BCAR1: variants seen among roughly 807,000 people sequenced by gnomAD.
BCAR1 encodes breast cancer anti-estrogen resistance protein 1.
In BCAR1, 30 loss-of-function variants were observed where a neutral mutation model predicts 67.6. The observed-to-expected ratio is 0.44, with a 90% CI of 0.33 to 0.60. BCAR1 has a LOEUF of 0.60. BCAR1 is among the 20% of genes least tolerant of loss of function. BCAR1 has a pLI of 0.02. For synonymous variants in BCAR1, 626 were observed against 556.7 expected (o/e 1.12, Z -1.75); for missense variants, 1,313 against 1,222.3 (o/e 1.07, Z -1.11).
intron 1 of BCAR1, chr16:75,263,170 A>G: frequency 6.1e-6 from 6 of 978,744 alleles, no homozygotes; most frequent in Non-Finnish European, 7.3e-6. Flanking sequence ...GAGTGGCCAC[A>G]CTCACTTCAC....
intron 1 of BCAR1, chr16:75,266,171 T>G: frequency 5.6e-6 from 2 of 354,950 alleles, no homozygotes; most frequent in Non-Finnish European, 7.9e-6. Context: ...GCACCAGCTC[T>G]GGGTCGCCCA....
chr16:75,235,618 C>A lies in BCAR1; in HGVS notation c.1281G>T (p.Leu427=), dbSNP rs1228274518. 3 of 1,601,094 alleles carry A rather than the reference C, an allele frequency of 1.9e-6. No individual in the cohort carries two copies. The highest frequency in any genetic ancestry group is 2.2e-5 in the South Asian group (2 of 89,748). The part of the protein sequence containing the change: ...EREAPAEGKR[L]SASSTGSTRS... ...GTGTGCTGCCGGTGCTGGAGGCCGACAGGCGCTTGCCCTCTGCCGGGGCTT... is the reference window on the plus strand; with the variant it reads ...GTGTGCTGCCGGTGCTGGAGGCCGAAAGGCGCTTGCCCTCTGCCGGGGCTT... Residue 427 remains leucine (L), a synonymous_variant, in exon 5 of 7, where the codon CTG becomes CTT. Coordinates refer to ENST00000162330, the MANE Select transcript of BCAR1 (RefSeq NM_014567.5).
At chr16:75,249,702 A>C (rs1234356685) in intron 1 of BCAR1, 1 of 152,272 alleles carries the variant, frequency 6.6e-6, no homozygotes, top group Non-Finnish European at 1.5e-5. Flanking sequence ...GCTCAGAAGA[A>C]AAGGGTGGTA....
intron 1 of BCAR1, among the ~76,000 whole-genome samples, chr16:75,259,198 A>G (rs990406375): frequency 2.0e-5 from 3 of 152,244 alleles, no homozygotes; most frequent in Admixed American, 6.5e-5. Flanking sequence ...TTTCTGGGCA[A>G]ACAAGCAACT....
intron 4 of BCAR1, 143 bp from the exon 5 acceptor site, chr16:75,236,129 C>T (rs2077125254): frequency 4.7e-6 from 5 of 1,074,472 alleles, no homozygotes; most frequent in Admixed American, 2.8e-5. Flanking sequence ...CACAGGCACA[C>T]ATACAAATGC....
Position 75,233,950 on chromosome 16 carries a change from CA to C in BCAR1, c.2011-16del. On this transcript the variant is annotated splice_polypyrimidine_tract_variant and intron_variant, in intron 5 of 6. Coordinates refer to ENST00000162330, the MANE Select transcript of BCAR1 (RefSeq NM_014567.5). ...TCCTCCTTCCCCTGGAGGGCAGAGA[CA>C]GGGGCTGCGCTGAGGCCAGTTTTCT... 6.3e-7 allele frequency: 1 copy of C among 1,591,822 alleles called. No homozygotes were observed. Among genetic ancestry groups the C allele is most frequent in the African/African-American group, 1.3e-5 (1 of 74,672 alleles).
chr16:75,258,445 C>T (rs749441057), intron 1 of BCAR1, among the ~76,000 whole-genome samples: 27 of 152,348 alleles, frequency 1.8e-4, no homozygotes, highest in Middle Eastern at 6.8e-3. Flanking sequence ...CATGCATCTG[C>T]GCCTCCTGAC....
chr16:75,256,906 C>T (rs1004573471), intron 1 of BCAR1, among the ~76,000 whole-genome samples: 7 of 152,228 alleles, frequency 4.6e-5, no homozygotes, highest in African/African-American at 1.7e-4. Context: ...AGCGGCACCC[C>T]TGTGTGCAGT....
rs1486774545 is a variant in BCAR1 at position 75,242,928 on chromosome 16, G to A, written c.175C>T (p.Arg59Cys). The change falls in exon 2 of 7, where the codon CGC (arginine) becomes TGC (cysteine). Residue 59 changes from arginine (R) to cysteine (C), a missense_variant. Transcript: ENST00000162330. ...HGRQGIVPGNRLKILVGMYDK... is the reference protein window; with the variant it reads ...HGRQGIVPGNCLKILVGMYDK... The stretch of plus-strand genomic sequence containing the variant: ...TACATGCCCACCAAGATCTTGAGGC[G>A]GTTCCCAGGCACGATGCCCTGGCGC... 1 of 1,612,868 alleles carries A rather than the reference G, an allele frequency of 6.2e-7. No individual in the cohort carries two copies.
rs373550447 is a variant in BCAR1 at position 75,238,386 on chromosome 16, C to G, written c.634-1042G>C. ...CCTTCATCAAAGGGGATGTCTGGGA[C>G]AGGGTTGACTCAGGGCCTCCCCGCA... On this transcript the variant is annotated intron_variant, in intron 2 of 6. Coordinates refer to ENST00000162330, the MANE Select transcript of BCAR1 (RefSeq NM_014567.5). 4.1e-5 allele frequency: 45 copies of G among 1,093,394 alleles called. No homozygotes were observed. In the Middle Eastern group the frequency reaches 1.3e-3, roughly 31 times the overall value. 67.7% of individuals were successfully genotyped at this position (1,093,394 alleles called of 1,614,324 possible). A position where few individuals can be genotyped will look rare whatever the true frequency, so the allele number is the denominator to read the frequency against.
chr16:75,232,590 T>G (rs943136093), intron 6 of BCAR1, among the ~76,000 whole-genome samples: 8 of 152,190 alleles, frequency 5.3e-5, no homozygotes, highest in African/African-American at 1.9e-4. Flanking sequence ...CATTTATTCT[T>G]TTCTTGGGTG....
Position 75,235,900 on chromosome 16 carries a change from G to A in BCAR1, c.999C>T (p.Phe333=), listed in dbSNP as rs375917444. Residue 333 remains phenylalanine, a synonymous_variant, in exon 5 of 7, where the codon TTC becomes TTT. Transcript: ENST00000162330. ...REETYDVPPA[F]AKAKPFDPAR... ...CCGGGTCAAAGGGCTTGGCCTTGGCGAAGGCGGGGGGCACATCGTAGGTCT... is the reference window on the plus strand; with the variant it reads ...CCGGGTCAAAGGGCTTGGCCTTGGCAAAGGCGGGGGGCACATCGTAGGTCT... The A allele has an allele frequency of 1.3e-5, 20 of 1,563,540 alleles. No homozygotes were observed. Among genetic ancestry groups the A allele is most frequent in the Admixed American group, 3.8e-5 (2 of 52,420 alleles).
chr16:75,247,962 C>T, intron 1 of BCAR1: 1 of 834,300 alleles, frequency 1.2e-6, no homozygotes, highest in Non-Finnish European at 2.1e-6. Context: ...ATAATAAGAA[C>T]AGCACAGTTC....
chr16:75,235,637 G>A lies in BCAR1; in HGVS notation c.1262C>T (p.Pro421Leu), dbSNP rs376153187. 94 of 1,606,480 alleles carry A rather than the reference G, an allele frequency of 5.9e-5. No homozygotes were observed. Among genetic ancestry groups the A allele is most frequent in the African/African-American group, 1.1e-4 (8 of 74,782 alleles). Residue 421 changes from proline to leucine, a missense_variant, in exon 5 of 7, where the codon CCG becomes CTG. Coordinates refer to ENST00000162330, the MANE Select transcript of BCAR1 (RefSeq NM_014567.5). ...GGCCGACAGGCGCTTGCCCTCTGCC[G>A]GGGCTTCACGTTCAGCTGGGGGAGG... The part of the protein sequence containing the change: ...AVPPPAEREA[P>L]AEGKRLSASS...
chr16:75,264,691 T>G (rs2077967735), intron 1 of BCAR1: 1 of 1,235,530 alleles, frequency 8.1e-7, no homozygotes, highest in African/African-American at 1.5e-5. Context: ...AGCTTCCCTC[T>G]GGTCATCTGC....
chr16:75,256,604 C>T (rs1440101847), upstream of BCAR1, among the ~76,000 whole-genome samples: 1 of 152,142 alleles, frequency 6.6e-6, no homozygotes, highest in Non-Finnish European at 1.5e-5. Context: ...CTGTCAGAAA[C>T]AGGACTGGAA....
Position 75,229,544 on chromosome 16 carries a change from G to A in BCAR1, c.2580C>T (p.Phe860=), listed in dbSNP as rs764863597. 9 of 1,599,870 alleles carry A rather than the reference G, an allele frequency of 5.6e-6. No homozygotes were observed. In the South Asian group the frequency reaches 1.0e-4, roughly 18 times the overall value. ...VKELGHSTQQ[F]RRVLGQLAAA ...CTGCCAGCTGGCCTAGGACGCGGCG[G>A]AACTGCTGGGTGCTGTGGCCCAGCT... Residue 860 remains phenylalanine, a synonymous_variant, in exon 7 of 7, where the codon TTC becomes TTT. Transcript: ENST00000162330.
In BCAR1 at chr16:75,242,540, C is replaced by A. The variant is rs766502916; in HGVS notation, c.563G>T (p.Gly188Val). 2 of 1,492,064 alleles carry A rather than the reference C, an allele frequency of 1.3e-6. No individual in the cohort carries two copies. Among genetic ancestry groups the A allele is most frequent in the African/African-American group, 1.4e-5 (1 of 70,808 alleles). The allele number at this position is 1,492,064 out of a possible 1,614,324, so 92.4% of individuals were successfully genotyped here. ...CGGGGGGACCTGGTAGATGTCATGC[C>A]CCATCCCGGCAGAAGGTGGCACCTG... The part of the protein sequence containing the change: ...IYQVPPSAGM[G>V]HDIYQVPPSM... The change falls in exon 2 of 7, where the codon GGG becomes GTG. Residue 188 changes from glycine to valine, a missense_variant. This residue lies in a region of BCAR1 where 1,272 missense variants were observed against 1,137.5 expected (regional missense o/e 1.12). Transcript: ENST00000162330.
At position 75,237,312 on chromosome 16, in the gene BCAR1, A is replaced by G. The variant is rs756739623; in HGVS notation, c.666T>C (p.Tyr222=). The G allele has an allele frequency of 2.2e-5, 33 of 1,511,230 alleles. No homozygotes were observed. In the African/African-American group the frequency reaches 2.5e-4, roughly 12 times the overall value. The allele number at this position is 1,511,230 out of a possible 1,614,324, so 93.6% of individuals were successfully genotyped here. ...GCTCCGGCTGGGCGGCCTCGTATAC[A>G]TAGCCCTGCCCCACGCGGGTGGGCA... is the stretch of plus-strand genomic sequence containing the variant. The part of the protein sequence containing the change: ...VVVPTRVGQG[Y]VYEAAQPEQD... The change falls in exon 3 of 7, where the codon TAT becomes TAC. Residue 222 remains tyrosine, a synonymous_variant. Coordinates refer to ENST00000162330, the MANE Select transcript of BCAR1 (RefSeq NM_014567.5).
Sources: allele counts gnomAD v4.1 joint callset (sites outside exome capture counted in the v4.1 genomes callset), GRCh38; gene constraint gnomAD v4.1.1; regional missense constraint gnomAD v4.1.1; transcripts MANE v1.5; gene names NCBI Gene and HGNC (gene_info 2026-07-23, HGNC 2026-07-21).